SEMA3F: variants seen among roughly 807,000 people sequenced by gnomAD.
The protein encoded by SEMA3F is semaphorin-3F.
A neutral mutation model predicts 98.5 loss-of-function variants in SEMA3F; 30 were observed. That is an observed-to-expected ratio of 0.30 (90% CI 0.23 to 0.41). The LOEUF is 0.41. Among genes scored for constraint, SEMA3F ranks in the 10% least tolerant of loss-of-function variants. The pLI, the probability that SEMA3F is intolerant of heterozygous loss-of-function variation, is 1.00. For missense variants in SEMA3F, 866 were observed against 1,119.3 expected, an observed-to-expected ratio of 0.77 and a Z score of 3.23; for synonymous variants, 380 against 444.8, an observed-to-expected ratio of 0.85 and a Z score of 1.83.
chr3:50,172,988 C>T (rs886966274), intron 2 of SEMA3F, among the ~76,000 whole-genome samples: 3 of 152,230 alleles, frequency 2.0e-5, no homozygotes, highest in Admixed American at 1.3e-4. Flanking sequence ...GATGCTGTTG[C>T]GTACCCTGGC....
At position 50,182,407 on chromosome 3, in the gene SEMA3F, A is replaced by G; in HGVS notation, c.763+4A>G. On this transcript the variant is annotated splice_donor_region_variant and intron_variant, in intron 8 of 18. Coordinates refer to ENST00000002829, the MANE Select transcript of SEMA3F (RefSeq NM_004186.5). This position sits in a 1 kb window ranked among gnomAD's most constrained non-coding sequence, Gnocchi z 4.5. Reference sequence around the variant, plus strand: ...TACAACTCCCGGTGGCTGAACGGTAAGCGCAGCCCCAGGAGCCCTTCCGTG... The same window carrying G: ...TACAACTCCCGGTGGCTGAACGGTAGGCGCAGCCCCAGGAGCCCTTCCGTG... The G allele has an allele frequency of 6.2e-7, 1 of 1,613,528 alleles. No homozygotes were observed. The highest frequency in any genetic ancestry group is 1.1e-5 in the South Asian group (1 of 91,082).
At chr3:50,181,543 C>T (rs904343596) in intron 7 of SEMA3F, among the ~76,000 whole-genome samples, 2 of 151,782 alleles carry the variant, frequency 1.3e-5, no homozygotes, top group Non-Finnish European at 2.9e-5. Flanking sequence ...AGGATGGTCT[C>T]GATCTCTTGA....
Position 50,175,202 on chromosome 3 carries a change from C to T in SEMA3F, c.549+14C>T. On this transcript the variant is annotated intron_variant, in intron 6 of 18. Transcript: ENST00000002829. Reference sequence around the variant, plus strand: ...GCCCCACGCCAGGTGGGCCTCATCCCTCCAGGCCTTTGCCAGGCAGCACTG... The same window carrying T: ...GCCCCACGCCAGGTGGGCCTCATCCTTCCAGGCCTTTGCCAGGCAGCACTG... 1 of 1,557,486 alleles carries T rather than the reference C, an allele frequency of 6.4e-7. No individual in the cohort carries two copies. Among genetic ancestry groups the T allele is most frequent in the East Asian group, 2.3e-5 (1 of 42,962 alleles).
At chr3:50,172,283 A>C (rs995373226) in intron 2 of SEMA3F, among the ~76,000 whole-genome samples, 1 of 152,116 alleles carries the variant, frequency 6.6e-6, no homozygotes, top group African/African-American at 2.4e-5. Flanking sequence ...GTGTGCTGCT[A>C]TCTTAAGCCC....
chr3:50,155,094 C>A, upstream of SEMA3F: 1 of 406,576 alleles, frequency 2.5e-6, no homozygotes, highest in South Asian at 3.4e-5. The surrounding 1 kb of genome is among the most constrained non-coding windows in gnomAD (Gnocchi z 4.9). Flanking sequence ...GAGACCAGAG[C>A]GAGCGAACGA....
intron 18 of SEMA3F, 99 bp downstream of exon 18, chr3:50,186,845 A>C: frequency 8.1e-7 from 1 of 1,239,912 alleles, no homozygotes; most frequent in Non-Finnish European, 1.1e-6. Context: ...ATGCTGTGAA[A>C]CCCCTTCCAA....
chr3:50,186,332 T>C lies in SEMA3F; in HGVS notation c.1797T>C (p.Arg599=). Residue 599 remains arginine, a synonymous_variant, in exon 17 of 19, where the codon CGT becomes CGC. Coordinates refer to ENST00000002829, the MANE Select transcript of SEMA3F (RefSeq NM_004186.5). Reference sequence around the variant, plus strand: ...ACGGAAACCCCATCAGGCAGTGCCGTGGGTTCAACTCCAATGGTGAGTATG... The same window carrying C: ...ACGGAAACCCCATCAGGCAGTGCCGCGGGTTCAACTCCAATGGTGAGTATG... ...VRHGNPIRQC[R]GFNSNANKNA... The C allele has an allele frequency of 6.2e-7, 1 of 1,613,750 alleles. No individual in the cohort carries two copies. Among genetic ancestry groups the C allele is most frequent in the Non-Finnish European group, 8.5e-7 (1 of 1,179,940 alleles).
At position 50,156,246 on chromosome 3, in the gene SEMA3F, G is replaced by T. The variant is rs1326929983; in HGVS notation, c.-49+682G>T. Among the ~76,000 whole-genome samples the T allele has an allele frequency of 6.6e-6, 1 of 152,246 alleles. No individual in the cohort carries two copies. The highest frequency in any genetic ancestry group is 1.9e-4 in the East Asian group (1 of 5,194). On this transcript the variant is annotated intron_variant, in intron 1 of 18. Coordinates refer to ENST00000002829, the MANE Select transcript of SEMA3F (RefSeq NM_004186.5). This position sits in a 1 kb window ranked among gnomAD's most constrained non-coding sequence, Gnocchi z 4.5. ...AGTTTGAACCAGGGGTCCCAGTGGT[G>T]AAGTGGGCAGGGGACAGCGGGGGCT... is the stretch of plus-strand genomic sequence containing the variant.
At chr3:50,173,150 A>G (rs1698675376) in intron 2 of SEMA3F, among the ~76,000 whole-genome samples, 1 of 152,014 alleles carries the variant, frequency 6.6e-6, no homozygotes, top group South Asian at 2.1e-4. Context: ...GGAGCTGAGA[A>G]GGATCCAGGA....
intron 2 of SEMA3F, chr3:50,173,432 A>G (rs6446201): frequency 0.9 from 209,678 of 231,842 alleles, 94,992 homozygotes; most frequent in African/African-American, 0.96. Flanking sequence ...AGATCGCGCC[A>G]TTGCACTCCA....
Position 50,182,898 on chromosome 3 carries a change from C to T in SEMA3F, c.904-6C>T. 6.2e-7 allele frequency: 1 copy of T among 1,613,440 alleles called. No homozygotes were observed. Among genetic ancestry groups the T allele is most frequent in the Non-Finnish European group, 8.5e-7 (1 of 1,179,626 alleles). On this transcript the variant is annotated splice_polypyrimidine_tract_variant and splice_region_variant and intron_variant, in intron 9 of 18. Coordinates refer to ENST00000002829, the MANE Select transcript of SEMA3F (RefSeq NM_004186.5). This position sits in a 1 kb window ranked among gnomAD's most constrained non-coding sequence, Gnocchi z 4.5. The stretch of plus-strand genomic sequence containing the variant: ...ATCTGACCCGGCCTCTTGCCCCACC[C>T]CCCAGAACGATGACGGTGGTCACTG...
At chr3:50,184,554 C>T (rs544106693) in intron 12 of SEMA3F, 38 bp from the exon 13 acceptor site, 19 of 1,534,074 alleles carry the variant, frequency 1.2e-5, no homozygotes, top group Non-Finnish European at 1.5e-5. Flanking sequence ...CTGCCCTGCC[C>T]AGGCAGCCTG....
chr3:50,162,804 T>C (rs891266471), intron 2 of SEMA3F, among the ~76,000 whole-genome samples: 3 of 152,176 alleles, frequency 2.0e-5, no homozygotes, highest in Non-Finnish European at 4.4e-5. Flanking sequence ...AGAAGGACCC[T>C]GTGATGACAT....
chr3:50,166,642 C>T lies in SEMA3F; in HGVS notation c.112+6908C>T, dbSNP rs1221207722. 2.6e-5 allele frequency among the ~76,000 whole-genome samples: 4 copies of T among 152,068 alleles called. No individual in the cohort carries two copies. The highest frequency in any genetic ancestry group is 1.3e-4 in the Admixed American group (2 of 15,272). ...GGGGCTAAGACTGTCTGGAACATCC[C>T]GGGAATCTCTGGGTGGGTGTTGTGA... is the stretch of plus-strand genomic sequence containing the variant. On this transcript the variant is annotated intron_variant, in intron 2 of 18. Coordinates refer to ENST00000002829, the MANE Select transcript of SEMA3F (RefSeq NM_004186.5). This position sits in a 1 kb window ranked among gnomAD's most constrained non-coding sequence, Gnocchi z 4.7.
chr3:50,187,998 GGGT>G lies in SEMA3F; in HGVS notation c.2242_2244del (p.Gly748del). 6.2e-7 allele frequency: 1 copy of G among 1,606,016 alleles called. No homozygotes were observed. Among genetic ancestry groups the G allele is most frequent in the Non-Finnish European group, 8.5e-7 (1 of 1,177,192 alleles). On this transcript the variant is annotated inframe_deletion, in exon 19 of 19. Coordinates refer to ENST00000002829, the MANE Select transcript of SEMA3F (RefSeq NM_004186.5). ...TGGGCCTCATCCACCAGTACTGCCA[GGGT>G]TACTGGCGCCATGTGCCCCCCAGCC...
Position 50,182,537 on chromosome 3 carries a change from T to A in SEMA3F, c.764-107T>A. 1 of 1,574,610 alleles carries A rather than the reference T, an allele frequency of 6.4e-7. No individual in the cohort carries two copies. Among genetic ancestry groups the A allele is most frequent in the Non-Finnish European group, 8.7e-7 (1 of 1,154,408 alleles). On this transcript the variant is annotated intron_variant, in intron 8 of 18. Coordinates refer to ENST00000002829, the MANE Select transcript of SEMA3F (RefSeq NM_004186.5). This position sits in a 1 kb window ranked among gnomAD's most constrained non-coding sequence, Gnocchi z 4.5. ...CCTGGGGCAGGGGTAGTTTCTTATC[T>A]GGAGAGGAGTTGGGGGTGTTCTTGC... is the stretch of plus-strand genomic sequence containing the variant.
intron 18 of SEMA3F, among the ~76,000 whole-genome samples, chr3:50,187,392 TA>T (rs572362485): frequency 1.5e-3 from 200 of 133,722 alleles, no homozygotes; most frequent in Admixed American, 5.8e-3. Flanking sequence ...AACTGCATTC[TA>T]GCCTAGGCGA....
At chr3:50,174,178 G>C in intron 4 of SEMA3F, 53 bp from the exon 5 acceptor site, 2 of 1,613,244 alleles carry the variant, frequency 1.2e-6, no homozygotes, top group Non-Finnish European at 1.7e-6. Flanking sequence ...ACTGCCCCCA[G>C]TGAGGGGGCA....
chr3:50,157,369 T>G (rs2109048510), intron 1 of SEMA3F, among the ~76,000 whole-genome samples: 1 of 151,264 alleles, frequency 6.6e-6, no homozygotes, highest in East Asian at 2.0e-4. Context: ...CCCTCCCGCC[T>G]GCCTCCCTCC....
Sources: allele counts gnomAD v4.1 joint callset (sites outside exome capture counted in the v4.1 genomes callset), GRCh38; gene constraint gnomAD v4.1.1; non-coding constraint Gnocchi (gnomAD v3.1); transcripts MANE v1.5; gene names NCBI Gene and HGNC (gene_info 2026-07-23, HGNC 2026-07-21).